The following TRIM66 variants were observed in gnomAD, a reference collection of about 807,000 sequenced individuals.
TRIM66 encodes the protein tripartite motif containing 66.
TRIM66 carries 99 observed loss-of-function variants against 148.2 expected under a neutral mutation model. That is an observed-to-expected ratio of 0.67 (90% CI 0.57 to 0.79). The LOEUF is 0.79. Among genes scored for constraint, TRIM66 ranks in the 30% least tolerant of loss-of-function variants. TRIM66 has a pLI of 0.00. For synonymous variants in TRIM66, 616 were observed against 635.9 expected, an observed-to-expected ratio of 0.97 and a Z score of 0.47; for missense variants, 1,666 against 1,697.9, an observed-to-expected ratio of 0.98 and a Z score of 0.33.
intron 12 of TRIM66, 83 bp downstream of exon 12, chr11:8,645,658 G>A: frequency 6.6e-7 from 1 of 1,504,678 alleles, no homozygotes; most frequent in Non-Finnish European, 9.0e-7. Context: ...GCACTTCCAA[G>A]GACTGCCTCA....
intron 6 of TRIM66, among the ~76,000 whole-genome samples, chr11:8,670,255 C>T (rs1359318338): frequency 5.3e-5 from 8 of 152,078 alleles, no homozygotes; most frequent in African/African-American, 2.4e-5. Context: ...TCAGATGATT[C>T]GCTGCCTTGG....
intron 6 of TRIM66, among the ~76,000 whole-genome samples, chr11:8,656,563 C>T (rs2133332100): frequency 6.6e-6 from 1 of 152,288 alleles, no homozygotes; most frequent in South Asian, 2.1e-4. Context: ...ACATTTAGTC[C>T]ATCTGTCACA....
In TRIM66 at chr11:8,625,207, T is replaced by C. The variant is rs1383421290; in HGVS notation, c.2332A>G (p.Met778Val). 11 of 1,511,786 alleles carry C rather than the reference T, an allele frequency of 7.3e-6. No homozygotes were observed. Among genetic ancestry groups the C allele is most frequent in the East Asian group, 2.5e-5 (1 of 40,496 alleles). 93.6% of individuals were successfully genotyped at this position (1,511,786 alleles called of 1,614,324 possible). A position where few individuals can be genotyped will look rare whatever the true frequency, so the allele number is the denominator to read the frequency against. Residue 778 changes from methionine to valine, a missense_variant, in exon 16 of 25, where the codon ATG becomes GTG. By Grantham distance (21) the Met-to-Val change is conservative (BLOSUM62 1). Around this residue, in one of 3 missense-constraint regions of TRIM66, gnomAD observed 1,431 missense variants for 1,412.4 expected, o/e 1.01. Coordinates refer to ENST00000646038, the MANE Select transcript of TRIM66 (RefSeq NM_001388022.1). The stretch of plus-strand genomic sequence containing the variant: ...ATCTCCAGAGTGTTGGAAAAGCCCA[T>C]GATGCTCAGCGAGGTGGAGTGCTGC... ...VRKHSTSLSI[M>V]GFSNTLEMEL... is the part of the protein sequence containing the mutation.
At chr11:8,668,998 T>C (rs576653056) in intron 6 of TRIM66, among the ~76,000 whole-genome samples, 33 of 152,314 alleles carry the variant, frequency 2.2e-4, no homozygotes, top group Admixed American at 5.2e-4. Flanking sequence ...AAGTAAGTCA[T>C]AGAACAATAC....
intron 15 of TRIM66, among the ~76,000 whole-genome samples, chr11:8,631,477 T>C (rs1236698688): frequency 6.6e-6 from 1 of 152,246 alleles, no homozygotes; most frequent in Admixed American, 6.5e-5. Flanking sequence ...TCTTCTGTCT[T>C]ATTAAGCAGA....
chr11:8,671,657 G>A, intron 6 of TRIM66, 129 bp downstream of exon 6: 1 of 610,688 alleles, frequency 1.6e-6, no homozygotes, highest in Non-Finnish European at 2.9e-6. Flanking sequence ...CCCAAAGATT[G>A]CTTTCAGCAA....
intron 21 of TRIM66, 134 bp from the exon 22 acceptor site, chr11:8,620,258 T>C: frequency 3.0e-6 from 4 of 1,311,480 alleles, no homozygotes; most frequent in Non-Finnish European, 4.2e-6. Context: ...ACAATTCAGG[T>C]TCCCAAGCCA....
intron 12 of TRIM66, chr11:8,644,222 G>T: frequency 3.2e-6 from 1 of 315,664 alleles, no homozygotes; most frequent in Non-Finnish European, 6.2e-6. Flanking sequence ...CCTCCCCATC[G>T]CCAACTCCTA....
intron 12 of TRIM66, among the ~76,000 whole-genome samples, 195 bp from the exon 13 acceptor site, chr11:8,643,321 T>C (rs1204982670): frequency 6.6e-6 from 1 of 150,982 alleles, no homozygotes; most frequent in East Asian, 1.9e-4. Context: ...TTATCAAGGC[T>C]CCTGGAACCT....
chr11:8,675,291 G>A (rs1391051557), intron 3 of TRIM66, among the ~76,000 whole-genome samples: 2 of 152,214 alleles, frequency 1.3e-5, no homozygotes, highest in Non-Finnish European at 2.9e-5. Flanking sequence ...TTGCTTGAAC[G>A]CTTGAATTTT....
Position 8,640,738 on chromosome 11 carries a change from C to A in TRIM66, c.1637G>T (p.Arg546Leu), listed in dbSNP as rs546981627. 1.1e-5 allele frequency: 17 copies of A among 1,551,296 alleles called. No individual in the cohort carries two copies. The highest frequency in any genetic ancestry group is 8.3e-5 in the South Asian group (7 of 84,018). ...PPVEQESTSQRLGQQLTSQPV... is the reference protein window; with the variant it reads ...PPVEQESTSQLLGQQLTSQPV... ...CTGGGAAGTCAGCTGCTGCCCCAGC[C>A]GCTGGGATGTGCTCTCCTGCTCCAC... The change falls in exon 14 of 25, where the codon CGG (arginine) becomes CTG (leucine). Residue 546 changes from arginine to leucine, a missense_variant. By Grantham distance (102) the Arg-to-Leu change is moderately radical. Around this residue, in one of 3 missense-constraint regions of TRIM66, gnomAD observed 1,431 missense variants for 1,412.4 expected, o/e 1.01. Transcript: ENST00000646038.
At chr11:8,668,472 G>A (rs1433123482) in intron 6 of TRIM66, among the ~76,000 whole-genome samples, 1 of 152,078 alleles carries the variant, frequency 6.6e-6, no homozygotes, top group African/African-American at 2.4e-5. Flanking sequence ...ACTCATGGCT[G>A]GCAACTGGTA....
In TRIM66 at chr11:8,672,383, G is replaced by T; in HGVS notation, c.-109C>A. On this transcript the variant is annotated splice_region_variant and 5_prime_UTR_variant, in exon 5 of 25. Coordinates refer to ENST00000646038, the MANE Select transcript of TRIM66 (RefSeq NM_001388022.1). Reference sequence around the variant, plus strand: ...CCTCTCCTTATTGGTAGACAAGCTTGACCTAAGTTTCAATTTTGGAAAAAG... The same window carrying T: ...CCTCTCCTTATTGGTAGACAAGCTTTACCTAAGTTTCAATTTTGGAAAAAG... 1.3e-6 allele frequency: 2 copies of T among 1,501,452 alleles called. No individual in the cohort carries two copies. The highest frequency in any genetic ancestry group is 1.3e-5 in the South Asian group (1 of 78,952). 93.0% of individuals were successfully genotyped at this position (1,501,452 alleles called of 1,614,324 possible). A position where few individuals can be genotyped will look rare whatever the true frequency, so the allele number is the denominator to read the frequency against.
intron 7 of TRIM66, among the ~76,000 whole-genome samples, chr11:8,651,113 C>T (rs924917612): frequency 6.6e-6 from 1 of 152,156 alleles, no homozygotes; most frequent in Non-Finnish European, 1.5e-5. Flanking sequence ...ACAGAGGCCA[C>T]CAAACTGATG....
rs1004213970 is a variant in TRIM66 at position 8,640,261 on chromosome 11, G to A, written c.2114C>T (p.Pro705Leu). 1.4e-5 allele frequency: 22 copies of A among 1,551,600 alleles called. No homozygotes were observed. The highest frequency in any genetic ancestry group is 1.9e-5 in the Non-Finnish European group (22 of 1,147,024). Reference protein sequence around the residue: ...QINYIVRQPAPVQSQSQEETL... With the variant: ...QINYIVRQPALVQSQSQEETL... ...CTCCTCCTGGCTCTGGGACTGGACA[G>A]GTGCTGGCTGCCTCACGATGTAGTT... is the stretch of plus-strand genomic sequence containing the variant. The change falls in exon 14 of 25, where the codon CCT becomes CTT. Residue 705 changes from proline (P) to leucine (L), a missense_variant. Physicochemically the swap from Pro to Leu is moderately conservative, Grantham distance 98. Transcript: ENST00000646038.
Position 8,640,598 on chromosome 11 carries a change from G to C in TRIM66, c.1777C>G (p.His593Asp). The part of the protein sequence containing the change: ...FGHHQKLKLS[H>D]FQQQPQQQLP... ...TGCTGCTGTGGCTGCTGCTGAAAGT[G>C]ACTGAGCTTCAGCTTCTGGTGGTGG... The change falls in exon 14 of 25, where the codon CAC becomes GAC. Residue 593 changes from histidine to aspartate, a missense_variant. Transcript: ENST00000646038. 1 of 1,551,412 alleles carries C rather than the reference G, an allele frequency of 6.4e-7. No individual in the cohort carries two copies. Among genetic ancestry groups the C allele is most frequent in the Non-Finnish European group, 8.7e-7 (1 of 1,146,952 alleles).
At chr11:8,645,712 A>C in intron 12 of TRIM66, 29 bp downstream of exon 12, 5 of 1,551,044 alleles carry the variant, frequency 3.2e-6, no homozygotes, top group Non-Finnish European at 4.4e-6. Context: ...CTTCAAGGAC[A>C]GGCTGAGGAG....
chr11:8,671,969 T>G lies in TRIM66; in HGVS notation c.157A>C (p.Lys53Gln). Residue 53 changes from lysine to glutamine, a missense_variant, in exon 6 of 25, where the codon AAA becomes CAA. Physicochemically the swap from Lys to Gln is moderately conservative, Grantham distance 53 (BLOSUM62 1). Coordinates refer to ENST00000646038, the MANE Select transcript of TRIM66 (RefSeq NM_001388022.1). Reference sequence around the variant, plus strand: ...ATCTGTCCACTCTTAGGGCAGTGTTTCTGGCCAGCTAGTGGCAGCCCCATA... The same window carrying G: ...ATCTGTCCACTCTTAGGGCAGTGTTGCTGGCCAGCTAGTGGCAGCCCCATA... Reference protein sequence around the residue: ...SFMGLPLAGQKHCPKSGQMEA... With the variant: ...SFMGLPLAGQQHCPKSGQMEA... 2 of 1,536,140 alleles carry G rather than the reference T, an allele frequency of 1.3e-6. No homozygotes were observed. Among genetic ancestry groups the G allele is most frequent in the Non-Finnish European group, 1.7e-6 (2 of 1,146,912 alleles).
chr11:8,632,795 C>T (rs895283936), intron 15 of TRIM66, among the ~76,000 whole-genome samples: 2 of 152,156 alleles, frequency 1.3e-5, no homozygotes, highest in Admixed American at 6.5e-5. Context: ...AGTTGTTGCT[C>T]TTATTGACAA....
Sources: allele counts gnomAD v4.1 joint callset (sites outside exome capture counted in the v4.1 genomes callset), GRCh38; gene constraint gnomAD v4.1.1; regional missense constraint gnomAD v4.1.1; transcripts MANE v1.5; gene names NCBI Gene and HGNC (gene_info 2026-07-23, HGNC 2026-07-21).